The following CASZ1 variants were observed in gnomAD, a reference collection of about 807,000 sequenced individuals.
CASZ1 encodes the protein castor zinc finger 1.
In CASZ1, 28 loss-of-function variants were observed where a neutral mutation model predicts 135.2. The ratio of observed to expected loss-of-function variants is 0.21; its 90% CI spans 0.15 to 0.28. The LOEUF (loss-of-function observed/expected upper bound fraction) is 0.28. Ranked by LOEUF, CASZ1 falls within the 10% of genes least tolerant of loss-of-function variation. The pLI is 1.00. For synonymous variants in CASZ1, 1,068 were observed against 1,073.4 expected (o/e 0.99, Z 0.10); for missense variants, 2,161 against 2,453.3 (o/e 0.88, Z 2.52).
At chr1:10,685,718 A>G (rs1638565259) in intron 4 of CASZ1, among the ~76,000 whole-genome samples, 1 of 152,150 alleles carries the variant, frequency 6.6e-6, no homozygotes, top group African/African-American at 2.4e-5. Flanking sequence ...CGCCTGCCTG[A>G]GCCCCACCCT....
In CASZ1 at chr1:10,639,110, C is replaced by T; in HGVS notation, c.5112G>A (p.Glu1704=). The T allele has an allele frequency of 8.7e-7, 1 of 1,149,692 alleles. No homozygotes were observed. The highest frequency in any genetic ancestry group is 2.1e-5 in the South Asian group (1 of 48,512). 71.2% of individuals were successfully genotyped at this position (1,149,692 alleles called of 1,614,324 possible). ...CGTCGTCGTCGTCCTCGTCGTCGTC[C>T]TCGTCGTCGTCGTCCTCGTCGTCGT... ...DEDDDEDDDD[E]DDDEDDDDED... Residue 1704 remains glutamate (E), a synonymous_variant, in exon 21 of 21, where the codon GAG becomes GAA. Transcript: ENST00000377022. The surrounding 1 kb of genome is among the most constrained non-coding windows in gnomAD (Gnocchi z 4.0).
At chr1:10,765,076 GCCTCCCCTACATCGGAA>G (rs1640448912) in intron 1 of CASZ1, among the ~76,000 whole-genome samples, 1 of 152,166 alleles carries the variant, frequency 6.6e-6, no homozygotes, top group Non-Finnish European at 1.5e-5. Context: ...GATTTCTGCT[GCCTCCCCTACATCGGAA>G]CCTCCCCCCA....
intron 13 of CASZ1, 79 bp downstream of exon 13, chr1:10,650,613 A>C: frequency 8.1e-7 from 1 of 1,240,418 alleles, no homozygotes; most frequent in Non-Finnish European, 1.2e-6. Flanking sequence ...TTAAAAAACA[A>C]ACACATCCCC....
At chr1:10,784,666 C>A (rs1237888291) in intron 1 of CASZ1, among the ~76,000 whole-genome samples, 1 of 152,194 alleles carries the variant, frequency 6.6e-6, no homozygotes, top group African/African-American at 2.4e-5. Flanking sequence ...TGGGTTCAAA[C>A]AATTCTCCTG....
Position 10,701,535 on chromosome 1 carries a change from G to A in CASZ1, c.-24+3957C>T, listed in dbSNP as rs768780842. ...AGAGTGATGGAGTGATGGGAGGAGG[G>A]GGGGCGCGGTCAGAAGAAGGAGATA... On this transcript the variant is annotated intron_variant, in intron 3 of 20. Coordinates refer to ENST00000377022, the MANE Select transcript of CASZ1 (RefSeq NM_001079843.3). The surrounding 1 kb of genome is among the most constrained non-coding windows in gnomAD (Gnocchi z 6.3). Among the ~76,000 whole-genome samples, 2 of 152,290 alleles carry A rather than the reference G, an allele frequency of 1.3e-5. No individual in the cohort carries two copies. Among genetic ancestry groups the A allele is most frequent in the African/African-American group, 2.4e-5 (1 of 41,548 alleles).
At chr1:10,789,745 T>C (rs1467744932) in intron 1 of CASZ1, among the ~76,000 whole-genome samples, 2 of 150,968 alleles carry the variant, frequency 1.3e-5, no homozygotes, top group Non-Finnish European at 3.0e-5. Flanking sequence ...CCTCAATTAT[T>C]CCAAGTAAGA....
rs201153974 is a variant in CASZ1, at chr1:10,728,969, T to TC, written c.-76-23426dup. 9.5e-4 allele frequency among the ~76,000 whole-genome samples: 144 copies of TC among 150,968 alleles called. 1 individual carries two copies. Among genetic ancestry groups the TC allele is most frequent in the African/African-American group, 2.6e-3 (106 of 41,052 alleles). On this transcript the variant is annotated intron_variant, in intron 2 of 20. Coordinates refer to ENST00000377022, the MANE Select transcript of CASZ1 (RefSeq NM_001079843.3). ...CCTGAGAGGTGAAAACAAGAGGCCT[T>TC]CCCCCCCCACTCTCCGGACAGCTAT...
intron 1 of CASZ1, among the ~76,000 whole-genome samples, chr1:10,785,135 T>TCTTTCCTTCCTTCCTCCCTCCCTC: frequency 7.5e-6 from 1 of 133,972 alleles, no homozygotes; most frequent in African/African-American, 2.9e-5. Context: ...CTTTCTTCCT[T>TCTTTCCTTCCTTCCTCCCTCCCTC]CCTTCCTCCC....
In CASZ1 at chr1:10,734,857, G is replaced by A. The variant is rs137924953; in HGVS notation, c.-77+25844C>T. On this transcript the variant is annotated intron_variant, in intron 2 of 20. Coordinates refer to ENST00000377022, the MANE Select transcript of CASZ1 (RefSeq NM_001079843.3). ...CTTTACACCTGCCCTGGGGTGCCAC[G>A]GAGGATCTGAGGAGCATGCATCTAG... Among the ~76,000 whole-genome samples the A allele has an allele frequency of 8.5e-4, 129 of 152,258 alleles. 2 individuals carry two copies. The East Asian group carries it at 0.012, about 15-fold the overall frequency.
chr1:10,731,547 G>A (rs1639702723), intron 2 of CASZ1, among the ~76,000 whole-genome samples: 1 of 152,184 alleles, frequency 6.6e-6, no homozygotes, highest in East Asian at 1.9e-4. Context: ...TTGCGCCACT[G>A]AACTCCAGCC....
At chr1:10,687,244 A>G (rs1373214460) in intron 4 of CASZ1, among the ~76,000 whole-genome samples, 1 of 152,198 alleles carries the variant, frequency 6.6e-6, no homozygotes, top group African/African-American at 2.4e-5. Context: ...GACCTTTGGG[A>G]ACACCTGGTC....
chr1:10,792,355 A>C (rs1291743646), intron 1 of CASZ1, among the ~76,000 whole-genome samples: 5 of 109,834 alleles, frequency 4.6e-5, no homozygotes, highest in African/African-American at 1.7e-4. Context: ...CCGCACACAA[A>C]GTAAATGGAA....
chr1:10,680,271 G>A (rs1461362324), intron 4 of CASZ1, among the ~76,000 whole-genome samples: 3 of 137,524 alleles, frequency 2.2e-5, no homozygotes, highest in Non-Finnish European at 3.3e-5. Context: ...GGCACGGGGC[G>A]GGGCGGCGGG....
In CASZ1 at chr1:10,702,618, G is replaced by A. The variant is rs1557519255; in HGVS notation, c.-24+2874C>T. Among the ~76,000 whole-genome samples the A allele has an allele frequency of 1.3e-5, 2 of 151,980 alleles. 1 individual carries two copies. The highest frequency in any genetic ancestry group is 1.3e-4 in the Admixed American group (2 of 15,262). On this transcript the variant is annotated intron_variant, in intron 3 of 20. Coordinates refer to ENST00000377022, the MANE Select transcript of CASZ1 (RefSeq NM_001079843.3). Reference sequence around the variant, plus strand: ...GGCCAGGGAGCTTGGAGAGGGAGACGCGGGGCTGGAGGCAGTGCTGGGAGG... The same window carrying A: ...GGCCAGGGAGCTTGGAGAGGGAGACACGGGGCTGGAGGCAGTGCTGGGAGG...
In CASZ1 at chr1:10,658,555, T is replaced by C. The variant is rs757077377; in HGVS notation, c.1362A>G (p.Lys454=). ...TGTTTACATCTTCAGTGACGGCTGG[T>C]TTATCTGTGGGCAGTCCGTTCCTGG... ...STVKNGLPTD[K]PAVTEDVNIY... is the part of the protein sequence containing the mutation. The change falls in exon 7 of 21, where the codon AAA becomes AAG. Residue 454 remains lysine (K), a synonymous_variant. Coordinates refer to ENST00000377022, the MANE Select transcript of CASZ1 (RefSeq NM_001079843.3). 6.2e-7 allele frequency: 1 copy of C among 1,613,298 alleles called. No homozygotes were observed.
Position 10,646,429 on chromosome 1 carries a change from G to C in CASZ1, c.3498-103C>G, listed in dbSNP as rs1203256027. 5 of 1,079,506 alleles carry C rather than the reference G, an allele frequency of 4.6e-6. No homozygotes were observed. 66.9% of individuals were successfully genotyped at this position (1,079,506 alleles called of 1,614,324 possible). A position where few individuals can be genotyped will look rare whatever the true frequency, so the allele number is the denominator to read the frequency against. Reference sequence around the variant, plus strand: ...GGAGTTCACTCCCCCACGACCAGCGGTACCACCAAGAGGGATGGCCTGGGC... The same window carrying C: ...GGAGTTCACTCCCCCACGACCAGCGCTACCACCAAGAGGGATGGCCTGGGC... On this transcript the variant is annotated intron_variant, in intron 16 of 20. Transcript: ENST00000377022. The surrounding 1 kb of genome is among the most constrained non-coding windows in gnomAD (Gnocchi z 6.4).
chr1:10,756,023 T>C lies in CASZ1; in HGVS notation c.-77+4678A>G, dbSNP rs534389976. 1.3e-5 allele frequency among the ~76,000 whole-genome samples: 2 copies of C among 152,020 alleles called. No individual in the cohort carries two copies. Among genetic ancestry groups the C allele is most frequent in the Non-Finnish European group, 2.9e-5 (2 of 67,924 alleles). The stretch of plus-strand genomic sequence containing the variant: ...GAAAAACCTCCCACGCGTGCACAGA[T>C]GCACACGCCTCCCACCCGGACACAC... On this transcript the variant is annotated intron_variant, in intron 2 of 20. Coordinates refer to ENST00000377022, the MANE Select transcript of CASZ1 (RefSeq NM_001079843.3). This position sits in a 1 kb window ranked among gnomAD's most constrained non-coding sequence, Gnocchi z 5.9.
chr1:10,670,539 C>T (rs1333981992), intron 4 of CASZ1, among the ~76,000 whole-genome samples: 1 of 152,248 alleles, frequency 6.6e-6, no homozygotes, highest in Non-Finnish European at 1.5e-5. Context: ...TCAACAACCT[C>T]TCTCTTGAGT....
At chr1:10,766,837 G>A (rs552070505) in intron 1 of CASZ1, among the ~76,000 whole-genome samples, 1 of 152,344 alleles carries the variant, frequency 6.6e-6, no homozygotes, top group South Asian at 2.1e-4. Context: ...CAACTGGCGA[G>A]TGGAGGGTTG....
Sources: allele counts gnomAD v4.1 joint callset (sites outside exome capture counted in the v4.1 genomes callset), GRCh38; gene constraint gnomAD v4.1.1; non-coding constraint Gnocchi (gnomAD v3.1); transcripts MANE v1.5; gene names NCBI Gene and HGNC (gene_info 2026-07-23, HGNC 2026-07-21).